Variants in LRRC63 observed in about 807,000 individuals in gnomAD.
LRRC63 encodes the protein leucine rich repeat containing 63.
A neutral mutation model predicts 49.5 loss-of-function variants in LRRC63; 40 were observed. That is an observed-to-expected ratio of 0.81 (90% CI 0.63 to 1.05). The LOEUF (loss-of-function observed/expected upper bound fraction) is 1.05. Ranked by LOEUF, LRRC63 falls within the 50% of genes least tolerant of loss-of-function variation. The pLI is 0.00. For missense variants in LRRC63, 636 were observed against 663.1 expected, an observed-to-expected ratio of 0.96 and a Z score of 0.45; for synonymous variants, 191 against 221.1, an observed-to-expected ratio of 0.86 and a Z score of 1.21.
chr13:46,218,502 C>T (rs940212452), intron 2 of LRRC63, among the ~76,000 whole-genome samples: 8 of 152,024 alleles, frequency 5.3e-5, no homozygotes, highest in South Asian at 2.1e-4. Flanking sequence ...TGTCTTTGCA[C>T]GTGAGATGGG....
intron 7 of LRRC63, among the ~76,000 whole-genome samples, chr13:46,257,022 A>G (rs1206943292): frequency 1.3e-5 from 2 of 152,232 alleles, no homozygotes; most frequent in African/African-American, 4.8e-5. Flanking sequence ...ATTCTGGATT[A>G]GTTGAGTGGT....
At chr13:46,216,715 A>G (rs1443276139) in intron 2 of LRRC63, among the ~76,000 whole-genome samples, 2 of 152,174 alleles carry the variant, frequency 1.3e-5, no homozygotes, top group African/African-American at 4.8e-5. Flanking sequence ...GCTTTTGCCC[A>G]TTCAGTATGA....
intron 5 of LRRC63, among the ~76,000 whole-genome samples, chr13:46,244,326 T>C (rs2047153403): frequency 6.6e-6 from 1 of 152,160 alleles, no homozygotes; most frequent in Admixed American, 6.5e-5. Context: ...TAGTAGAATA[T>C]TTTTTGAAGG....
intron 7 of LRRC63, among the ~76,000 whole-genome samples, chr13:46,251,136 G>A (rs1016654631): frequency 4.0e-5 from 6 of 151,746 alleles, no homozygotes; most frequent in Admixed American, 2.6e-4. Flanking sequence ...TCAGTACAAA[G>A]AGAAAGGGAC....
At chr13:46,242,427 C>T (rs925486386) in intron 5 of LRRC63, among the ~76,000 whole-genome samples, 8 of 151,920 alleles carry the variant, frequency 5.3e-5, no homozygotes, top group African/African-American at 1.9e-4. Context: ...CATAAGTTTT[C>T]CTATATAATA....
intron 2 of LRRC63, among the ~76,000 whole-genome samples, chr13:46,218,048 G>A (rs921526961): frequency 3.3e-5 from 5 of 152,150 alleles, no homozygotes; most frequent in African/African-American, 7.2e-5. Flanking sequence ...GAATAAGTGC[G>A]ACGTGGTGCT....
At chr13:46,218,117 CTT>C (rs2046306571) in intron 2 of LRRC63, among the ~76,000 whole-genome samples, 1 of 151,816 alleles carries the variant, frequency 6.6e-6, no homozygotes, top group Non-Finnish European at 1.5e-5. Context: ...TCTATTAGGT[CTT>C]CTTGGTCCAA....
intron 7 of LRRC63, among the ~76,000 whole-genome samples, chr13:46,255,643 C>CAAAAAAAAAAAAAAA (rs1445296831): frequency 1.0e-5 from 1 of 95,702 alleles, no homozygotes; most frequent in African/African-American, 6.2e-5. Context: ...GACCCTGCCT[C>CAAAAAAAAAAAAAAA]AAATATATAT....
chr13:46,258,119 C>G lies in LRRC63; in HGVS notation c.1227-3790C>G, dbSNP rs530306447. The stretch of plus-strand genomic sequence containing the variant: ...CTACAAACTCTAGCAAGCCAGTGAC[C>G]TACTCTTTTTTTTTTTTTTTTTTTT... On this transcript the variant is annotated intron_variant, in intron 7 of 9. Transcript: ENST00000595396. Among the ~76,000 whole-genome samples the G allele has an allele frequency of 1.9e-4, 28 of 145,348 alleles. 1 individual carries two copies. The South Asian group carries it at 5.8e-3, about 30-fold the overall frequency.
At chr13:46,254,839 C>G (rs917516218) in intron 7 of LRRC63, among the ~76,000 whole-genome samples, 1 of 152,230 alleles carries the variant, frequency 6.6e-6, no homozygotes, top group African/African-American at 2.4e-5. Flanking sequence ...CTCAGTCATT[C>G]ATGTGTAAGA....
At chr13:46,255,412 A>G (rs2047483884) in intron 7 of LRRC63, among the ~76,000 whole-genome samples, 1 of 152,088 alleles carries the variant, frequency 6.6e-6, no homozygotes, top group Non-Finnish European at 1.5e-5. Context: ...ACACTTAACA[A>G]TGGCTAAAAT....
intron 4 of LRRC63, among the ~76,000 whole-genome samples, 177 bp from the exon 5 acceptor site, chr13:46,234,015 G>A (rs2046836338): frequency 6.6e-6 from 1 of 152,158 alleles, no homozygotes; most frequent in Non-Finnish European, 1.5e-5. Context: ...ACCCACTTTG[G>A]CAAACAGAAC....
chr13:46,257,597 G>A (rs1251110761), intron 7 of LRRC63, among the ~76,000 whole-genome samples: 1 of 152,158 alleles, frequency 6.6e-6, no homozygotes, highest in East Asian at 1.9e-4. Context: ...GGGAGTGAGA[G>A]TGTGATTTTA....
intron 8 of LRRC63, among the ~76,000 whole-genome samples, chr13:46,265,051 T>TC (rs1026342052): frequency 1.3e-5 from 2 of 151,978 alleles, no homozygotes; most frequent in Non-Finnish European, 2.9e-5. Context: ...TCCCAGCTAC[T>TC]CGTGAGACTG....
At chr13:46,265,744 C>T (rs986790498) in intron 8 of LRRC63, among the ~76,000 whole-genome samples, 5 of 152,164 alleles carry the variant, frequency 3.3e-5, no homozygotes, top group East Asian at 1.9e-4. Flanking sequence ...TTGTGATTTG[C>T]GCAGAAGAAA....
At chr13:46,247,474 C>T (rs911225361) in intron 6 of LRRC63, among the ~76,000 whole-genome samples, 1 of 151,998 alleles carries the variant, frequency 6.6e-6, no homozygotes, top group Non-Finnish European at 1.5e-5. Context: ...ACTCCATCCA[C>T]TAAAAAATAA....
chr13:46,238,804 G>A (rs1400073427), intron 5 of LRRC63, among the ~76,000 whole-genome samples: 1 of 152,140 alleles, frequency 6.6e-6, no homozygotes, highest in South Asian at 2.1e-4. Context: ...TTGGACCACA[G>A]TACAATGAAA....
chr13:46,239,798 C>T (rs2047002890), intron 5 of LRRC63, among the ~76,000 whole-genome samples: 2 of 152,214 alleles, frequency 1.3e-5, no homozygotes, highest in South Asian at 4.1e-4. Context: ...AAAAGTTTAT[C>T]TACCATGATC....
At chr13:46,271,618 C>G (rs954425440) in intron 9 of LRRC63, among the ~76,000 whole-genome samples, 1 of 151,928 alleles carries the variant, frequency 6.6e-6, no homozygotes, top group African/African-American at 2.4e-5. Context: ...TGTAGTCACT[C>G]AGTCTCACAT....
Sources: gnomAD v4.1 joint callset for allele counts (sites outside exome capture counted in the v4.1 genomes callset) on GRCh38, gnomAD v4.1.1 for gene constraint, MANE v1.5 for transcripts, NCBI Gene and HGNC (gene_info 2026-07-23, HGNC 2026-07-21) for gene names.